The following GLIS3 variants were observed in gnomAD, a reference collection of about 807,000 sequenced individuals.
GLIS3 encodes GLIS family zinc finger 3, also known as zinc finger protein GLIS3.
GLIS3 carries 53 observed loss-of-function variants against 78.6 expected under a neutral mutation model. The observed-to-expected ratio is 0.67, with a 90% CI of 0.54 to 0.85. GLIS3 has a LOEUF of 0.85. Ranked by LOEUF, GLIS3 falls within the 40% of genes least tolerant of loss-of-function variation. The pLI, the probability that GLIS3 is intolerant of heterozygous loss-of-function variation, is 0.00. For synonymous variants in GLIS3, 684 were observed against 509.9 expected (o/e 1.34, Z -4.60); for missense variants, 1,703 against 1,231.1 (o/e 1.38, Z -5.74).
At chr9:4,239,046 C>T (rs1823041334) in intron 2 of GLIS3, among the ~76,000 whole-genome samples, 1 of 151,448 alleles carries the variant, frequency 6.6e-6, no homozygotes. Context: ...CATAGTATTC[C>T]ATGGTGTATA....
chr9:4,188,194 G>A (rs1246079695), intron 2 of GLIS3, among the ~76,000 whole-genome samples: 4 of 151,508 alleles, frequency 2.6e-5, no homozygotes, highest in Non-Finnish European at 4.4e-5. Context: ...TTATTGAGAC[G>A]TTTTAGCATG....
At chr9:3,937,545 G>A (rs1183484332) in intron 4 of GLIS3, among the ~76,000 whole-genome samples, 2 of 151,896 alleles carry the variant, frequency 1.3e-5, no homozygotes, top group Admixed American at 6.6e-5. Flanking sequence ...TTTCCAAATT[G>A]GTCTAAATTG....
intron 2 of GLIS3, among the ~76,000 whole-genome samples, chr9:4,162,626 G>A (rs112432445): frequency 0.04 from 6,115 of 152,172 alleles, 180 homozygotes; most frequent in Middle Eastern, 0.1. Flanking sequence ...TTGGGAGGCC[G>A]AGGTGGGCAG....
intron 4 of GLIS3, among the ~76,000 whole-genome samples, chr9:4,006,516 G>A (rs1009393428): frequency 2.6e-5 from 4 of 152,262 alleles, no homozygotes; most frequent in South Asian, 2.1e-4. Flanking sequence ...AGGATGGTTT[G>A]CTGGTGAGGG....
chr9:4,026,062 A>G (rs1479873869), intron 4 of GLIS3, among the ~76,000 whole-genome samples: 1 of 152,186 alleles, frequency 6.6e-6, no homozygotes, highest in African/African-American at 2.4e-5. Context: ...TAATCCCTAC[A>G]ACATTAACAT....
intron 2 of GLIS3, among the ~76,000 whole-genome samples, chr9:4,342,327 G>C (rs1449891283): frequency 6.6e-6 from 1 of 152,176 alleles, no homozygotes; most frequent in Non-Finnish European, 1.5e-5. Flanking sequence ...AGTTATCCCA[G>C]CACCATTTAT....
At chr9:4,447,684 G>A in the GLIS3 span, among the ~76,000 whole-genome samples, 2 of 152,150 alleles carry the variant, frequency 1.3e-5, no homozygotes, top group Non-Finnish European at 2.9e-5. Flanking sequence ...CTGATTTGCT[G>A]AAAGAGATGC....
At chr9:4,038,117 G>A (rs1168083557) in intron 4 of GLIS3, among the ~76,000 whole-genome samples, 2 of 152,122 alleles carry the variant, frequency 1.3e-5, no homozygotes, top group African/African-American at 2.4e-5. Flanking sequence ...GAAGCAACCT[G>A]GTAAAACTTC....
intron 4 of GLIS3, among the ~76,000 whole-genome samples, chr9:4,026,016 A>C (rs1444166929): frequency 2.0e-5 from 3 of 152,200 alleles, no homozygotes; most frequent in Admixed American, 6.5e-5. Context: ...GGGAAGAACA[A>C]ATTTGCTAAC....
intron 2 of GLIS3, among the ~76,000 whole-genome samples, chr9:4,317,697 T>A (rs1471946984): frequency 1.3e-5 from 2 of 152,166 alleles, no homozygotes; most frequent in Non-Finnish European, 2.9e-5. Context: ...CAGAAAAAAT[T>A]AAGAGAAAGA....
chr9:4,195,439 C>T (rs1227613051), intron 2 of GLIS3, among the ~76,000 whole-genome samples: 2 of 152,202 alleles, frequency 1.3e-5, no homozygotes, highest in East Asian at 1.9e-4. Flanking sequence ...GCTTAGCACC[C>T]GGGCCAGCAG....
chr9:4,261,131 C>T (rs1047295384), intron 2 of GLIS3, among the ~76,000 whole-genome samples: 1 of 152,184 alleles, frequency 6.6e-6, no homozygotes, highest in African/African-American at 2.4e-5. Flanking sequence ...GACTGGGGAA[C>T]TGAGTCTTGA....
chr9:4,110,132 G>C (rs138045418), intron 4 of GLIS3, among the ~76,000 whole-genome samples: 1 of 152,162 alleles, frequency 6.6e-6, no homozygotes, highest in Non-Finnish European at 1.5e-5. Context: ...GTGATCAAAC[G>C]AATGAATCAA....
rs541606301 is a variant in GLIS3 at position 4,148,574 on chromosome 9, C to A, written c.389-22633G>T. Among the ~76,000 whole-genome samples the A allele has an allele frequency of 2.1e-3, 314 of 152,134 alleles. 1 individual carries two copies. The highest frequency in any genetic ancestry group is 3.6e-3 in the Non-Finnish European group (247 of 68,010). On this transcript the variant is annotated intron_variant, in intron 2 of 10. Coordinates refer to ENST00000381971, the MANE Select transcript of GLIS3 (RefSeq NM_001042413.2). ...TATCTCACCTTTCCCCCTAAACTGG[C>A]AGGCCCATGAGGACAGGGACTGTAC...
chr9:4,278,520 G>T (rs974666636), intron 2 of GLIS3, among the ~76,000 whole-genome samples: 3 of 152,124 alleles, frequency 2.0e-5, no homozygotes, highest in African/African-American at 7.2e-5. Flanking sequence ...TGATGGTAAT[G>T]AATTCTAACA....
At chr9:4,476,639 G>A in the GLIS3 span, among the ~76,000 whole-genome samples, 1 of 152,126 alleles carries the variant, frequency 6.6e-6, no homozygotes, top group African/African-American at 2.4e-5. Flanking sequence ...TGGGATTACA[G>A]GCGTGAGCCA....
intron 2 of GLIS3, among the ~76,000 whole-genome samples, chr9:4,251,838 G>C (rs1824423479): frequency 6.6e-6 from 1 of 152,158 alleles, no homozygotes; most frequent in South Asian, 2.1e-4. Context: ...TGTCTGTAAA[G>C]GATTTTATTT....
chr9:4,186,212 T>A (rs4316195), intron 2 of GLIS3, among the ~76,000 whole-genome samples: 2 of 146,342 alleles, frequency 1.4e-5, no homozygotes, highest in African/African-American at 5.1e-5. Context: ...CGTGTTCTCA[T>A]TGTTCAATTC....
At chr9:4,466,942 G>A in the GLIS3 span, among the ~76,000 whole-genome samples, 14 of 152,208 alleles carry the variant, frequency 9.2e-5, no homozygotes, top group Admixed American at 1.3e-4. Context: ...CTAATACTGC[G>A]TTTTTCCAAC....
Sources: allele counts gnomAD v4.1 joint callset (sites outside exome capture counted in the v4.1 genomes callset), GRCh38; gene constraint gnomAD v4.1.1; transcripts MANE v1.5; gene names NCBI Gene and HGNC (gene_info 2026-07-23, HGNC 2026-07-21).